The following LRP1B variants were observed in gnomAD, a reference collection of about 807,000 sequenced individuals.
The protein encoded by LRP1B is low-density lipoprotein receptor-related protein 1B.
In LRP1B, 217 loss-of-function variants were observed where a neutral mutation model predicts 556.6. That is an observed-to-expected ratio of 0.39 (90% confidence interval 0.35 to 0.44). LRP1B has a LOEUF of 0.44. Ranked by LOEUF, LRP1B falls within the 20% of genes least tolerant of loss-of-function variation. The probability of loss-of-function intolerance (pLI) is 1.00; values close to 1 mark genes in which losing one functional copy is unlikely to be tolerated. For synonymous variants in LRP1B, 2,047 were observed against 1,865.8 expected (o/e 1.10, Z -2.50); for missense variants, 5,053 against 5,620.8 (o/e 0.90, Z 3.23).
At chr2:141,809,745 T>A (rs1696277159) in intron 2 of LRP1B, among the ~76,000 whole-genome samples, 1 of 151,970 alleles carries the variant, frequency 6.6e-6, no homozygotes. Flanking sequence ...AGTTTCTATC[T>A]ATCTTTCAGT....
chr2:140,587,026 C>T (rs1682013202), intron 43 of LRP1B, among the ~76,000 whole-genome samples: 1 of 151,754 alleles, frequency 6.6e-6, no homozygotes, highest in African/African-American at 2.4e-5. Flanking sequence ...GAAACCGGAA[C>T]AAAATGGAAA....
At chr2:140,403,728 C>T (rs1684607178) in intron 66 of LRP1B, among the ~76,000 whole-genome samples, 1 of 151,898 alleles carries the variant, frequency 6.6e-6, no homozygotes, top group Admixed American at 6.6e-5. Flanking sequence ...GGAGAATTTC[C>T]CTGGCCTTGC....
At chr2:141,861,620 C>T (rs537825974) in intron 1 of LRP1B, among the ~76,000 whole-genome samples, 1 of 152,242 alleles carries the variant, frequency 6.6e-6, no homozygotes, top group African/African-American at 2.4e-5. Context: ...AATGTATAAA[C>T]TCTTTCCATA....
At chr2:141,625,462 A>T (rs1185400028) in intron 2 of LRP1B, among the ~76,000 whole-genome samples, 1 of 152,052 alleles carries the variant, frequency 6.6e-6, no homozygotes, top group Non-Finnish European at 1.5e-5. Flanking sequence ...TACTCCGTAC[A>T]TTTTTTTCTA....
intron 2 of LRP1B, among the ~76,000 whole-genome samples, chr2:141,630,208 C>G (rs1293667369): frequency 2.0e-5 from 3 of 152,122 alleles, no homozygotes; most frequent in Non-Finnish European, 4.4e-5. Context: ...CAGGAAACTA[C>G]AGGTATTGGG....
intron 23 of LRP1B, among the ~76,000 whole-genome samples, chr2:140,889,825 T>C (rs1451512550): frequency 5.3e-5 from 8 of 152,200 alleles, no homozygotes; most frequent in Non-Finnish European, 2.9e-5. Flanking sequence ...AAAGTGTCAA[T>C]GGTAGTTTGT....
intron 59 of LRP1B, among the ~76,000 whole-genome samples, chr2:140,475,722 A>C (rs565593845): frequency 1.5e-3 from 234 of 151,934 alleles, no homozygotes; most frequent in African/African-American, 5.4e-3. Context: ...GTTATCTATG[A>C]AAAATTCAAA....
chr2:141,559,875 T>C (rs572738547), intron 2 of LRP1B, among the ~76,000 whole-genome samples: 5 of 151,812 alleles, frequency 3.3e-5, no homozygotes, highest in South Asian at 2.1e-4. Context: ...ATTTAGGATA[T>C]TGTAAAATTT....
Position 141,216,328 on chromosome 2 carries a change from G to T in LRP1B, c.850+12855C>A, listed in dbSNP as rs539897290. On this transcript the variant is annotated intron_variant, in intron 6 of 90. Transcript: ENST00000389484. The stretch of plus-strand genomic sequence containing the variant: ...CCACACTTGCAGAGAGTATAAGAGT[G>T]GTGAAGGCTTGTCAGCCTCTGCCTA... Among the ~76,000 whole-genome samples, 11 of 152,368 alleles carry T rather than the reference G, an allele frequency of 7.2e-5. 1 individual carries two copies. The South Asian group carries it at 2.3e-3, about 32-fold the overall frequency.
intron 3 of LRP1B, among the ~76,000 whole-genome samples, chr2:141,294,925 T>G (rs1686124846): frequency 1.3e-5 from 2 of 152,070 alleles, no homozygotes; most frequent in African/African-American, 4.8e-5. Flanking sequence ...GTTATTTATT[T>G]AAAAAGGTAA....
chr2:141,728,712 C>A (rs1170655186), intron 2 of LRP1B, among the ~76,000 whole-genome samples: 2 of 152,116 alleles, frequency 1.3e-5, no homozygotes, highest in Non-Finnish European at 2.9e-5. Flanking sequence ...CATTCCTGGT[C>A]AGCACACTAA....
chr2:141,297,020 C>A (rs187986265), intron 3 of LRP1B, among the ~76,000 whole-genome samples: 1 of 152,098 alleles, frequency 6.6e-6, no homozygotes, highest in East Asian at 1.9e-4. Flanking sequence ...ATCCATGTTG[C>A]GGCAAAGGAT....
At chr2:141,981,887 G>C (rs763995857) in intron 1 of LRP1B, among the ~76,000 whole-genome samples, 1 of 152,040 alleles carries the variant, frequency 6.6e-6, no homozygotes, top group Non-Finnish European at 1.5e-5. Flanking sequence ...CCTTCTGTTT[G>C]CTGGGTATCT....
chr2:141,458,510 T>C (rs988361192), intron 3 of LRP1B, among the ~76,000 whole-genome samples: 1 of 152,182 alleles, frequency 6.6e-6, no homozygotes, highest in Non-Finnish European at 1.5e-5. Flanking sequence ...AGACACAACA[T>C]TAATCCTGCC....
chr2:141,934,096 A>G, intron 1 of LRP1B, among the ~76,000 whole-genome samples: 1 of 152,200 alleles, frequency 6.6e-6, no homozygotes, highest in East Asian at 1.9e-4. Flanking sequence ...ATAGCCAAGG[A>G]TATTTGAATA....
chr2:141,626,134 A>T (rs1212196795), intron 2 of LRP1B, among the ~76,000 whole-genome samples: 5 of 152,192 alleles, frequency 3.3e-5, no homozygotes, highest in Admixed American at 3.3e-4. Context: ...AAAATAAATT[A>T]TAAGAGATCC....
intron 2 of LRP1B, among the ~76,000 whole-genome samples, chr2:141,763,968 C>T (rs571087926): frequency 2.6e-5 from 4 of 152,210 alleles, no homozygotes; most frequent in Admixed American, 6.5e-5. Context: ...CTAATTCACA[C>T]TTTTTCAGAA....
intron 35 of LRP1B, among the ~76,000 whole-genome samples, chr2:140,763,745 G>A (rs1689007915): frequency 6.6e-6 from 1 of 151,996 alleles, no homozygotes; most frequent in South Asian, 2.1e-4. Context: ...AATGCCTTAT[G>A]TTATGCATGT....
intron 1 of LRP1B, among the ~76,000 whole-genome samples, chr2:141,824,785 T>C (rs1302025303): frequency 1.3e-5 from 2 of 152,222 alleles, no homozygotes; most frequent in Admixed American, 1.3e-4. Context: ...AAAATCCATG[T>C]ATGTGAGTTT....
Sources: gnomAD v4.1 joint callset for allele counts (sites outside exome capture counted in the v4.1 genomes callset) on GRCh38, gnomAD v4.1.1 for gene constraint, MANE v1.5 for transcripts, NCBI Gene and HGNC (gene_info 2026-07-23, HGNC 2026-07-21) for gene names.